Variants in SHANK2 observed in about 807,000 individuals in gnomAD.
The protein encoded by SHANK2 is SH3 and multiple ankyrin repeat domains 2.
In SHANK2, 43 loss-of-function variants were observed where a neutral mutation model predicts 133.7. The ratio of observed to expected loss-of-function variants is 0.32; its 90% confidence interval spans 0.25 to 0.41. The LOEUF (loss-of-function observed/expected upper bound fraction) is 0.41. Ranked by LOEUF, SHANK2 falls within the 10% of genes least tolerant of loss-of-function variation. SHANK2 has a pLI of 1.00. For synonymous variants in SHANK2, 1,017 were observed against 952.8 expected, an observed-to-expected ratio of 1.07 and a Z score of -1.24; for missense variants, 1,994 against 2,235.8, an observed-to-expected ratio of 0.89 and a Z score of 2.18.
chr11:70,859,440 G>A (rs782451476), intron 11 of SHANK2, among the ~76,000 whole-genome samples: 2 of 151,978 alleles, frequency 1.3e-5, no homozygotes, highest in Non-Finnish European at 2.9e-5. Context: ...ATAAGCGTGT[G>A]GGTGGATGGA....
intron 17 of SHANK2, among the ~76,000 whole-genome samples, chr11:70,645,143 G>A (rs1379743615): frequency 3.3e-5 from 5 of 152,078 alleles, no homozygotes; most frequent in Non-Finnish European, 7.4e-5. Flanking sequence ...CCTGGGAGGC[G>A]GAGATTGCAG....
intron 11 of SHANK2, among the ~76,000 whole-genome samples, chr11:70,848,063 A>G (rs1309281715): frequency 2.6e-5 from 4 of 152,200 alleles, no homozygotes; most frequent in African/African-American, 4.8e-5. Context: ...ACCTATTCCC[A>G]GTTCCCAAAA....
chr11:70,487,522 A>T lies in SHANK2; in HGVS notation c.2771T>A (p.Phe924Tyr). 1 of 1,613,796 alleles carries T rather than the reference A, an allele frequency of 6.2e-7. No homozygotes were observed. The highest frequency in any genetic ancestry group is 1.1e-5 in the South Asian group (1 of 91,042). ...CACCTTGGCGGCAGAATTCTGATTGAACGCAGGCTTAATCGTCCCGTAGAC... is the reference window on the plus strand; with the variant it reads ...CACCTTGGCGGCAGAATTCTGATTGTACGCAGGCTTAATCGTCCCGTAGAC... ...PRVYGTIKPA[F>Y]NQNSAAKVSP... Residue 924 changes from phenylalanine (F) to tyrosine (Y), a missense_variant, in exon 25 of 26, where the codon TTC becomes TAC. Physicochemically the swap from Phe to Tyr is conservative, Grantham distance 22. Coordinates refer to ENST00000601538, the MANE Select transcript of SHANK2 (RefSeq NM_012309.5). This position sits in a 1 kb window ranked among gnomAD's most constrained non-coding sequence, Gnocchi z 5.8.
intron 1 of SHANK2, among the ~76,000 whole-genome samples, chr11:71,246,903 G>C (rs1954968139): frequency 6.6e-6 from 1 of 152,162 alleles, no homozygotes; most frequent in Non-Finnish European, 1.5e-5. Context: ...CTAAAAATCT[G>C]TAATATATTT....
At chr11:70,513,926 A>C (rs2059236092) in intron 17 of SHANK2, among the ~76,000 whole-genome samples, 1 of 152,224 alleles carries the variant, frequency 6.6e-6, no homozygotes, top group African/African-American at 2.4e-5. Context: ...TTAGAGTCAA[A>C]GAAGACAGAG....
intron 11 of SHANK2, among the ~76,000 whole-genome samples, chr11:70,879,461 G>C (rs1403350790): frequency 6.6e-6 from 1 of 152,190 alleles, no homozygotes; most frequent in African/African-American, 2.4e-5. Context: ...GAGTGGTGAG[G>C]GAGAGAGGTT....
intron 21 of SHANK2, among the ~76,000 whole-genome samples, chr11:70,496,607 C>T (rs908706521): frequency 6.6e-6 from 1 of 152,220 alleles, no homozygotes; most frequent in Non-Finnish European, 1.5e-5. Context: ...TAATGAGAAG[C>T]TGGCTGTAGT....
chr11:71,207,069 G>C (rs947513625), intron 2 of SHANK2, among the ~76,000 whole-genome samples: 1 of 149,076 alleles, frequency 6.7e-6, no homozygotes, highest in African/African-American at 2.5e-5. Flanking sequence ...CTGGGTGACA[G>C]AGTGAGGCCC....
intron 10 of SHANK2, among the ~76,000 whole-genome samples, chr11:70,946,147 T>A (rs1353297741): frequency 6.7e-6 from 1 of 149,984 alleles, no homozygotes; most frequent in Non-Finnish European, 1.5e-5. Flanking sequence ...AACTAACCCT[T>A]CCCAGGCTCA....
At chr11:71,232,617 C>T (rs1467278371) in intron 1 of SHANK2, among the ~76,000 whole-genome samples, 2 of 152,082 alleles carry the variant, frequency 1.3e-5, no homozygotes, top group African/African-American at 2.4e-5. Flanking sequence ...ACCTTTACTA[C>T]GATCCACTTC....
At chr11:71,193,120 G>A (rs1953824002) in intron 2 of SHANK2, among the ~76,000 whole-genome samples, 3 of 152,212 alleles carry the variant, frequency 2.0e-5, no homozygotes, top group Non-Finnish European at 2.9e-5. Flanking sequence ...TCCAGGCAAT[G>A]CAGAGACATA....
intron 17 of SHANK2, among the ~76,000 whole-genome samples, chr11:70,628,226 C>T (rs1591669549): frequency 6.6e-6 from 1 of 152,172 alleles, no homozygotes; most frequent in Non-Finnish European, 1.5e-5. Context: ...TCCCACCATG[C>T]CTGGCTGAGA....
At chr11:71,117,320 A>G (rs1951996844) in intron 4 of SHANK2, among the ~76,000 whole-genome samples, 1 of 152,192 alleles carries the variant, frequency 6.6e-6, no homozygotes, top group South Asian at 2.1e-4. Flanking sequence ...TCACCCAGCC[A>G]GTTATTTCTG....
rs182198801 is a variant in SHANK2, at chr11:70,657,341, A to C, written c.2061+2487T>G. ...TGAGGCTATTTCACACCATCCCTCC[A>C]AGGTCAAAGCTCTTCACTAAAAATA... On this transcript the variant is annotated intron_variant, in intron 17 of 25. Transcript: ENST00000601538. 2.7e-3 allele frequency among the ~76,000 whole-genome samples: 414 copies of C among 152,318 alleles called. 1 individual carries two copies. Among genetic ancestry groups the C allele is most frequent in the African/African-American group, 9.5e-3 (394 of 41,568 alleles).
intron 14 of SHANK2, among the ~76,000 whole-genome samples, chr11:70,734,159 G>A (rs377189649): frequency 1.3e-5 from 2 of 152,286 alleles, no homozygotes; most frequent in East Asian, 1.9e-4. Flanking sequence ...CAGAGCCCGC[G>A]GGAGGGAGTG....
rs191078464 is a variant in SHANK2 at position 71,099,555 on chromosome 11, G to A, written c.593-4867C>T. ...GTAAAAAATGCTGCTGCTCAGAGAG[G>A]CAGAAAATGTTTGTGAAAAGCGTAT... is the stretch of plus-strand genomic sequence containing the variant. On this transcript the variant is annotated intron_variant, in intron 6 of 25. Coordinates refer to ENST00000601538, the MANE Select transcript of SHANK2 (RefSeq NM_012309.5). Among the ~76,000 whole-genome samples the A allele has an allele frequency of 1.1e-3, 167 of 152,282 alleles. 1 individual carries two copies. Among genetic ancestry groups the A allele is most frequent in the African/African-American group, 3.8e-3 (157 of 41,552 alleles).
intron 11 of SHANK2, chr11:70,863,927 C>T (rs1555068487): frequency 2.3e-6 from 1 of 439,924 alleles, no homozygotes; most frequent in Admixed American, 2.7e-5. Context: ...CGTCCGCCCC[C>T]ACAACGGTGA....
At chr11:70,628,563 G>T (rs2060935663) in intron 17 of SHANK2, among the ~76,000 whole-genome samples, 1 of 152,220 alleles carries the variant, frequency 6.6e-6, no homozygotes, top group South Asian at 2.1e-4. Context: ...TCCCTATTTT[G>T]CAGAGGAGGA....
At chr11:70,531,391 G>A (rs971830886) in intron 17 of SHANK2, among the ~76,000 whole-genome samples, 9 of 152,180 alleles carry the variant, frequency 5.9e-5, no homozygotes, top group Non-Finnish European at 1.0e-4. Flanking sequence ...GCACCCACGC[G>A]CCCGGGGGCC....
Sources: gnomAD v4.1 joint callset for allele counts (sites outside exome capture counted in the v4.1 genomes callset) on GRCh38, gnomAD v4.1.1 for gene constraint, Gnocchi (gnomAD v3.1) non-coding constraint, MANE v1.5 for transcripts, NCBI Gene and HGNC (gene_info 2026-07-23, HGNC 2026-07-21) for gene names.